The following CEP83 variants were observed in gnomAD, a reference collection of about 807,000 sequenced individuals.
The protein encoded by CEP83 is centrosomal protein of 83 kDa.
In CEP83, 70 loss-of-function variants were observed where a neutral mutation model predicts 101.9. The ratio of observed to expected loss-of-function variants is 0.69; its 90% CI spans 0.57 to 0.84. The LOEUF (loss-of-function observed/expected upper bound fraction) is 0.84. Among genes scored for constraint, CEP83 ranks in the 40% least tolerant of loss-of-function variants. The pLI, the probability that CEP83 is intolerant of heterozygous loss-of-function variation, is 0.00. For synonymous variants in CEP83, 264 were observed against 267.9 expected (o/e 0.99, Z 0.14); for missense variants, 715 against 787.2 (o/e 0.91, Z 1.10).
downstream of CEP83, chr12:94,304,069 A>G (rs907348439): frequency 7.1e-7 from 1 of 1,417,640 alleles, no homozygotes. Context: ...TTTAAATAAC[A>G]TTGTTTTTAA....
the CEP83 span, chr12:94,282,473 C>T: frequency 1.3e-5 from 13 of 982,540 alleles, 1 homozygote; most frequent in African/African-American, 1.8e-4. Context: ...TCTTTTAAAA[C>T]ATCCAGGACT....
At chr12:94,445,765 G>A (rs1269238109) in intron 1 of CEP83, among the ~76,000 whole-genome samples, 2 of 152,098 alleles carry the variant, frequency 1.3e-5, no homozygotes, top group African/African-American at 4.8e-5. Flanking sequence ...ATATCCTAAA[G>A]ATGTGCACAT....
chr12:94,385,781 T>C (rs1285143885), intron 6 of CEP83, among the ~76,000 whole-genome samples: 1 of 152,194 alleles, frequency 6.6e-6, no homozygotes, highest in Non-Finnish European at 1.5e-5. Flanking sequence ...GATATAGTAA[T>C]GAGCCACATA....
chr12:94,299,336 C>T, the CEP83 span, among the ~76,000 whole-genome samples: 2 of 152,158 alleles, frequency 1.3e-5, no homozygotes, highest in Non-Finnish European at 2.9e-5. Context: ...AGAAATGTAG[C>T]TCATGAGCTC....
At chr12:94,337,803 G>A (rs2059515173) in intron 11 of CEP83, among the ~76,000 whole-genome samples, 1 of 152,118 alleles carries the variant, frequency 6.6e-6, no homozygotes, top group Admixed American at 6.6e-5. Context: ...AGAGAGATGG[G>A]ATTAAAAGCA....
At chr12:94,364,647 A>T (rs533463620) in intron 11 of CEP83, among the ~76,000 whole-genome samples, 2 of 152,230 alleles carry the variant, frequency 1.3e-5, no homozygotes, top group African/African-American at 2.4e-5. Flanking sequence ...AAACAAAAAA[A>T]ATTTTTTTAA....
chr12:94,330,433 T>C (rs2059152533), intron 14 of CEP83, among the ~76,000 whole-genome samples: 1 of 152,208 alleles, frequency 6.6e-6, no homozygotes, highest in Non-Finnish European at 1.5e-5. Context: ...TAGAAAAAAG[T>C]TGTAAGTCAC....
chr12:94,452,426 T>G (rs527755201), intron 1 of CEP83, among the ~76,000 whole-genome samples: 5 of 152,154 alleles, frequency 3.3e-5, no homozygotes, highest in Admixed American at 1.3e-4. Flanking sequence ...TTGATAGTTG[T>G]AGTAATCAAG....
chr12:94,423,134 G>A (rs1489429630), intron 2 of CEP83, among the ~76,000 whole-genome samples: 1 of 152,000 alleles, frequency 6.6e-6, no homozygotes, highest in Non-Finnish European at 1.5e-5. Context: ...GCCCAGGCTG[G>A]AGTGCAATGG....
downstream of CEP83, chr12:94,305,075 CA>C: frequency 3.0e-6 from 2 of 663,792 alleles, no homozygotes; most frequent in Non-Finnish European, 5.3e-6. Flanking sequence ...AAAATGTTGG[CA>C]TCTGTTTCAT....
intron 14 of CEP83, among the ~76,000 whole-genome samples, chr12:94,323,411 C>T (rs78277263): frequency 0.059 from 9,023 of 152,042 alleles, 476 homozygotes; most frequent in Non-Finnish European, 0.084. Flanking sequence ...AAGGGAGAAG[C>T]GTGGGTCGCT....
chr12:94,347,456 T>A (rs1268718709), intron 11 of CEP83, among the ~76,000 whole-genome samples: 1 of 152,218 alleles, frequency 6.6e-6, no homozygotes, highest in Non-Finnish European at 1.5e-5. Flanking sequence ...CTAGTTGGAA[T>A]GAAAAAACTT....
At chr12:94,333,400 C>A (rs1045053966) in intron 13 of CEP83, 82 bp downstream of exon 13, 12 of 1,220,668 alleles carry the variant, frequency 9.8e-6, no homozygotes, top group African/African-American at 1.5e-5. Flanking sequence ...AAAATATAAT[C>A]AACATTGGAA....
chr12:94,428,641 C>T (rs2065387571), intron 2 of CEP83, among the ~76,000 whole-genome samples: 1 of 152,112 alleles, frequency 6.6e-6, no homozygotes. Context: ...TTTTTCACAG[C>T]CAGAAAAAGG....
intron 11 of CEP83, among the ~76,000 whole-genome samples, chr12:94,352,970 A>G (rs1206642118): frequency 2.0e-5 from 3 of 152,268 alleles, no homozygotes; most frequent in African/African-American, 7.2e-5. Context: ...CTTAGGAGAG[A>G]GATGAACATC....
chr12:94,393,805 T>A (rs1169532556), intron 6 of CEP83, among the ~76,000 whole-genome samples: 2 of 152,018 alleles, frequency 1.3e-5, no homozygotes, highest in Admixed American at 6.6e-5. Context: ...TGGGCAAAAA[T>A]CACAAGCATT....
At position 94,411,833 on chromosome 12, in the gene CEP83, T is replaced by C. The variant is rs1387182975; in HGVS notation, c.188A>G (p.His63Arg). 3 of 1,610,764 alleles carry C rather than the reference T, an allele frequency of 1.9e-6. No homozygotes were observed. The highest frequency in any genetic ancestry group is 1.7e-6 in the Non-Finnish European group (2 of 1,179,176). Residue 63 changes from histidine to arginine, a missense_variant, in exon 4 of 17, where the codon CAT becomes CGT. Coordinates refer to ENST00000397809, the MANE Select transcript of CEP83 (RefSeq NM_016122.3). ...KAEHTRLQNE[H>R]VKLQNELKHL... Reference sequence around the variant, plus strand: ...CTTGAGTTCATTTTGTAACTTTACATGTTCATTCTGCAACCTGGTTTTTTT... The same window carrying C: ...CTTGAGTTCATTTTGTAACTTTACACGTTCATTCTGCAACCTGGTTTTTTT...
chr12:94,334,123 G>A (rs945281152), intron 12 of CEP83, among the ~76,000 whole-genome samples: 1 of 151,972 alleles, frequency 6.6e-6, no homozygotes, highest in East Asian at 1.9e-4. Flanking sequence ...TCTACTCTCC[G>A]AGCAATCAAA....
chr12:94,267,868 C>T, the CEP83 span, among the ~76,000 whole-genome samples: 2 of 152,312 alleles, frequency 1.3e-5, no homozygotes, highest in East Asian at 3.9e-4. Context: ...ACTTCCCCCA[C>T]CTACCCCTCC....
Sources: gnomAD v4.1 joint callset for allele counts (sites outside exome capture counted in the v4.1 genomes callset) on GRCh38, gnomAD v4.1.1 for gene constraint, MANE v1.5 for transcripts, NCBI Gene and HGNC (gene_info 2026-07-23, HGNC 2026-07-21) for gene names.